Variants in EYS observed in about 807,000 individuals in gnomAD.
The protein encoded by EYS is protein eyes shut homolog.
A neutral mutation model predicts 282.1 loss-of-function variants in EYS; 250 were observed. That is an observed-to-expected ratio of 0.89 (90% CI 0.80 to 0.98). The LOEUF (loss-of-function observed/expected upper bound fraction) is 0.98, where lower values mean the gene tolerates loss of function less well. EYS is among the 50% of genes least tolerant of loss of function. EYS has a pLI of 0.00. For missense variants in EYS, 4,016 were observed against 3,709.0 expected (o/e 1.08, Z -2.15); for synonymous variants, 1,355 against 1,282.9 (o/e 1.06, Z -1.20).
rs552007072 is a variant in EYS at position 64,099,044 on chromosome 6, C to T, written c.6425-17042G>A. 5.6e-4 allele frequency among the ~76,000 whole-genome samples: 85 copies of T among 152,218 alleles called. 2 individuals carry two copies. The South Asian group carries it at 0.016, about 29-fold the overall frequency. On this transcript the variant is annotated intron_variant, in intron 31 of 42. Transcript: ENST00000503581. ...AGAAAATTAGAGAACACTTATAAGG[C>T]CACAGTGAGATATTCTAATGCCTCA... is the stretch of plus-strand genomic sequence containing the variant.
At chr6:64,550,006 G>A (rs985614100) in intron 26 of EYS, among the ~76,000 whole-genome samples, 4 of 152,000 alleles carry the variant, frequency 2.6e-5, no homozygotes, top group African/African-American at 7.3e-5. Flanking sequence ...TTGTCCTTGC[G>A]ATAGTTTGCT....
At chr6:64,157,817 T>G (rs1774979738) in intron 31 of EYS, among the ~76,000 whole-genome samples, 1 of 152,326 alleles carries the variant, frequency 6.6e-6, no homozygotes, top group African/African-American at 2.4e-5. Flanking sequence ...AGTGCGGCAC[T>G]AATGGAGGAC....
chr6:64,719,235 C>T (rs760639745), intron 22 of EYS, among the ~76,000 whole-genome samples: 67 of 152,140 alleles, frequency 4.4e-4, no homozygotes, highest in African/African-American at 1.5e-3. Flanking sequence ...CTAGCTGACA[C>T]CTTGATTTGG....
intron 11 of EYS, chr6:65,331,657 G>A: frequency 1.0e-6 from 1 of 980,546 alleles, no homozygotes; most frequent in Non-Finnish European, 1.2e-6. Flanking sequence ...CAGAAAAAAG[G>A]AAATAACATC....
rs1368990822 is a variant in EYS, at chr6:63,788,206, A to G, written c.7622T>C (p.Leu2541Pro). Residue 2541 changes from leucine (L) to proline (P), a missense_variant, in exon 39 of 43, where the codon CTG (leucine) becomes CCG (proline). Transcript: ENST00000503581. ...KNKSIIAPGR[L>P]VGLNVFSQFY... ...CTGACTGAAGACATTGAGACCAACC[A>G]GTCTTCCTGGGGCGATAATGGATTT... 1.3e-6 allele frequency: 2 copies of G among 1,547,026 alleles called. No homozygotes were observed. The highest frequency in any genetic ancestry group is 2.7e-5 in the African/African-American group (2 of 72,824).
intron 12 of EYS, among the ~76,000 whole-genome samples, chr6:65,117,687 G>A (rs188193535): frequency 1.3e-4 from 20 of 152,260 alleles, no homozygotes; most frequent in Admixed American, 8.5e-4. Flanking sequence ...ATGTTTATAT[G>A]AAGAACTGCA....
At chr6:64,310,684 A>G (rs189193252) in intron 29 of EYS, among the ~76,000 whole-genome samples, 60 of 152,306 alleles carry the variant, frequency 3.9e-4, no homozygotes, top group Admixed American at 2.4e-3. Flanking sequence ...ACAAACCCCC[A>G]GGACAACAGT....
intron 37 of EYS, among the ~76,000 whole-genome samples, chr6:63,796,555 A>G (rs1005097595): frequency 6.6e-6 from 1 of 152,212 alleles, no homozygotes; most frequent in African/African-American, 2.4e-5. Context: ...TAAAGGAATA[A>G]TAGTTGTAAT....
chr6:65,330,927 C>A (rs746899930), intron 11 of EYS: 5 of 983,318 alleles, frequency 5.1e-6, no homozygotes, highest in Non-Finnish European at 4.8e-6. Flanking sequence ...TACTAAAGAA[C>A]CCTGTATGTT....
intron 8 of EYS, among the ~76,000 whole-genome samples, chr6:65,383,160 A>C (rs1765680344): frequency 6.6e-6 from 1 of 152,036 alleles, no homozygotes; most frequent in African/African-American, 2.4e-5. Flanking sequence ...GTAAGAAGAA[A>C]GGACATCATA....
intron 22 of EYS, among the ~76,000 whole-genome samples, chr6:64,717,851 T>G (rs1171995215): frequency 6.6e-6 from 1 of 152,074 alleles, no homozygotes; most frequent in Non-Finnish European, 1.5e-5. Flanking sequence ...ACTATGAGAG[T>G]CACTACCTCA....
At chr6:63,918,113 A>G (rs1000981362) in intron 35 of EYS, among the ~76,000 whole-genome samples, 2 of 152,234 alleles carry the variant, frequency 1.3e-5, no homozygotes, top group African/African-American at 4.8e-5. Flanking sequence ...AATATTGGCA[A>G]CTAAGTGCAA....
intron 22 of EYS, among the ~76,000 whole-genome samples, chr6:64,686,374 A>G (rs1770099316): frequency 6.6e-6 from 1 of 152,008 alleles, no homozygotes; most frequent in Admixed American, 6.6e-5. Context: ...GCCTGGAAAT[A>G]CTGATGAAGT....
rs1218461212 is a variant in EYS, at chr6:63,943,886, A to C, written c.7055+40497T>G. On this transcript the variant is annotated intron_variant, in intron 35 of 42. Coordinates refer to ENST00000503581, the MANE Select transcript of EYS (RefSeq NM_001142800.2). ...CCAAACAGATATACCTGTTAATAAT[A>C]ATATTCAATAAGAGGTTTTCCTAAC... Among the ~76,000 whole-genome samples the C allele has an allele frequency of 4.6e-5, 7 of 152,312 alleles. No individual in the cohort carries two copies. In the South Asian group the frequency reaches 8.3e-4, roughly 18 times the overall value.
chr6:65,555,759 T>A (rs763797379), intron 2 of EYS, among the ~76,000 whole-genome samples: 2 of 152,156 alleles, frequency 1.3e-5, no homozygotes, highest in Non-Finnish European at 2.9e-5. Context: ...TCTGAGACAA[T>A]AATGAATAGT....
chr6:64,531,891 A>G (rs1491003972), intron 26 of EYS, among the ~76,000 whole-genome samples: 1 of 152,284 alleles, frequency 6.6e-6, no homozygotes, highest in Middle Eastern at 3.4e-3. Context: ...CACTGAAAGT[A>G]TAGAGTCTGG....
At chr6:65,514,056 CA>C (rs1767018811) in intron 2 of EYS, among the ~76,000 whole-genome samples, 1 of 151,874 alleles carries the variant, frequency 6.6e-6, no homozygotes, top group South Asian at 2.1e-4. Flanking sequence ...TGTCTCAGCC[CA>C]AAATCTCCTT....
At chr6:64,374,871 A>C (rs1772514389) in intron 29 of EYS, among the ~76,000 whole-genome samples, 1 of 152,188 alleles carries the variant, frequency 6.6e-6, no homozygotes, top group African/African-American at 2.4e-5. Flanking sequence ...CCGGCAGTCT[A>C]GTCAGTCTTC....
intron 12 of EYS, among the ~76,000 whole-genome samples, chr6:65,094,534 A>C (rs969651335): frequency 2.6e-4 from 40 of 151,350 alleles, no homozygotes; most frequent in Admixed American, 2.6e-3. Flanking sequence ...ATTATTTCCA[A>C]CCACAAAGAA....
Sources: allele counts gnomAD v4.1 joint callset (sites outside exome capture counted in the v4.1 genomes callset), GRCh38; gene constraint gnomAD v4.1.1; transcripts MANE v1.5; gene names NCBI Gene and HGNC (gene_info 2026-07-23, HGNC 2026-07-21).